Variants in LYPD6 observed in about 807,000 individuals in gnomAD.
LYPD6 encodes the protein ly6/PLAUR domain-containing protein 6.
Under a neutral mutation model 22.7 loss-of-function variants are expected in LYPD6, and 15 were observed. The observed-to-expected ratio is 0.66, with a 90% CI of 0.44 to 1.02. The LOEUF (loss-of-function observed/expected upper bound fraction) is 1.02, where lower values mean the gene tolerates loss of function less well. Ranked by LOEUF, LYPD6 falls within the 50% of genes least tolerant of loss-of-function variation. The pLI is 0.00. For missense variants in LYPD6, 189 were observed against 208.4 expected (o/e 0.91, Z 0.57); for synonymous variants, 72 against 77.5 (o/e 0.93, Z 0.37).
intron 1 of LYPD6, among the ~76,000 whole-genome samples, chr2:149,378,615 G>A (rs1251602940): frequency 1.3e-5 from 2 of 152,176 alleles, no homozygotes; most frequent in Admixed American, 6.5e-5. Context: ...TGTACAGATC[G>A]TTTAAATGAG....
intron 1 of LYPD6, among the ~76,000 whole-genome samples, chr2:149,367,396 C>T (rs1014241331): frequency 6.6e-6 from 1 of 152,154 alleles, no homozygotes; most frequent in Admixed American, 6.5e-5. Flanking sequence ...AACTTGCCTC[C>T]TCAAAGCCAG....
intron 1 of LYPD6, among the ~76,000 whole-genome samples, chr2:149,381,873 C>T (rs1408214802): frequency 6.6e-6 from 1 of 152,076 alleles, no homozygotes; most frequent in East Asian, 1.9e-4. Context: ...GAATTCTTTC[C>T]TTCTGTTAAT....
chr2:149,376,969 A>C (rs1489170426), intron 1 of LYPD6, among the ~76,000 whole-genome samples: 1 of 152,202 alleles, frequency 6.6e-6, no homozygotes, highest in East Asian at 1.9e-4. Context: ...AAACCTTTGC[A>C]TCTCCTTTGT....
At chr2:149,379,850 C>G (rs888652495) in intron 1 of LYPD6, among the ~76,000 whole-genome samples, 3 of 152,194 alleles carry the variant, frequency 2.0e-5, no homozygotes, top group Non-Finnish European at 2.9e-5. Flanking sequence ...AATCCCTACC[C>G]TTGAGAAGCT....
intron 1 of LYPD6, among the ~76,000 whole-genome samples, chr2:149,417,061 T>C (rs1682980542): frequency 6.6e-6 from 1 of 152,062 alleles, no homozygotes; most frequent in Non-Finnish European, 1.5e-5. Flanking sequence ...TGGGTGTGAG[T>C]GCCTTTATGA....
At chr2:149,479,163 C>G in the LYPD6 span, among the ~76,000 whole-genome samples, 1 of 152,184 alleles carries the variant, frequency 6.6e-6, no homozygotes, top group Non-Finnish European at 1.5e-5. Context: ...TCGTTCAACA[C>G]TTCGTCTAGT....
intron 3 of LYPD6, among the ~76,000 whole-genome samples, chr2:149,455,341 C>A (rs1680932819): frequency 6.6e-6 from 1 of 150,674 alleles, no homozygotes; most frequent in Non-Finnish European, 1.5e-5. Flanking sequence ...TCACTGCAAG[C>A]TCCGCCTCCT....
intron 1 of LYPD6, among the ~76,000 whole-genome samples, chr2:149,335,945 C>A (rs191103161): frequency 4.6e-5 from 7 of 151,558 alleles, no homozygotes; most frequent in African/African-American, 7.3e-5. Context: ...GTGATGTTCA[C>A]ACAGTGACAA....
At chr2:149,353,590 T>C (rs999168945) in intron 1 of LYPD6, among the ~76,000 whole-genome samples, 1 of 152,180 alleles carries the variant, frequency 6.6e-6, no homozygotes, top group Non-Finnish European at 1.5e-5. Flanking sequence ...TGTTTTTACT[T>C]ACAGATGGTC....
intron 2 of LYPD6, among the ~76,000 whole-genome samples, chr2:149,447,051 G>GT (rs1210331228): frequency 6.6e-6 from 1 of 152,200 alleles, no homozygotes; most frequent in Non-Finnish European, 1.5e-5. Flanking sequence ...CAGATGAAGT[G>GT]TTTGAGTGTT....
intron 1 of LYPD6, among the ~76,000 whole-genome samples, chr2:149,413,222 G>A (rs72991501): frequency 0.025 from 3,801 of 152,206 alleles, 150 homozygotes; most frequent in African/African-American, 0.085. Flanking sequence ...TAATTATGGC[G>A]CCAACATCCG....
intron 3 of LYPD6, among the ~76,000 whole-genome samples, chr2:149,453,553 C>T (rs183822880): frequency 1.4e-4 from 21 of 152,254 alleles, no homozygotes; most frequent in African/African-American, 4.8e-4. Flanking sequence ...TCTTTTGGCT[C>T]CAGCTTCTAT....
chr2:149,332,668 T>G (rs1237825444), intron 1 of LYPD6, among the ~76,000 whole-genome samples: 1 of 152,196 alleles, frequency 6.6e-6, no homozygotes, highest in Non-Finnish European at 1.5e-5. Context: ...CCTTCCTTCC[T>G]TTTTGGTGTT....
At chr2:149,450,121 T>C (rs73964432) in intron 3 of LYPD6, among the ~76,000 whole-genome samples, 4,538 of 152,238 alleles carry the variant, frequency 0.03, 243 homozygotes, top group African/African-American at 0.1. Context: ...GTGTGTCCAG[T>C]AGAAACACCT....
chr2:149,422,648 A>T (rs1683105644), intron 1 of LYPD6, among the ~76,000 whole-genome samples: 1 of 152,196 alleles, frequency 6.6e-6, no homozygotes, highest in Admixed American at 6.5e-5. Flanking sequence ...TTTCAAGTAT[A>T]TGATACACTG....
chr2:149,380,674 A>T (rs557312123), intron 1 of LYPD6, among the ~76,000 whole-genome samples: 16 of 152,332 alleles, frequency 1.1e-4, no homozygotes, highest in Non-Finnish European at 2.4e-4. Context: ...TTGGGTAAAC[A>T]GTTGGATACA....
chr2:149,467,061 G>A (rs958755383), intron 3 of LYPD6, among the ~76,000 whole-genome samples: 1 of 152,326 alleles, frequency 6.6e-6, no homozygotes. Flanking sequence ...TTAAAAAAGA[G>A]GAGAGCTGCT....
chr2:149,458,010 G>A (rs559575187), intron 3 of LYPD6, among the ~76,000 whole-genome samples: 25 of 152,290 alleles, frequency 1.6e-4, no homozygotes, highest in Admixed American at 1.3e-3. Flanking sequence ...AGAAGGACCA[G>A]GAAGGGGGAA....
intron 1 of LYPD6, among the ~76,000 whole-genome samples, chr2:149,382,022 A>C (rs868867161): frequency 6.6e-6 from 1 of 152,120 alleles, no homozygotes; most frequent in Non-Finnish European, 1.5e-5. Context: ...TTTTTTGTTC[A>C]TTACTATGAA....
Sources: allele counts gnomAD v4.1 joint callset (sites outside exome capture counted in the v4.1 genomes callset), GRCh38; gene constraint gnomAD v4.1.1; transcripts MANE v1.5; gene names NCBI Gene and HGNC (gene_info 2026-07-23, HGNC 2026-07-21).